Variants in ADNP observed in about 807,000 individuals in gnomAD.
The protein encoded by ADNP is activity dependent neuroprotector homeobox, also known as activity-dependent neuroprotector homeobox protein.
ADNP carries 4 observed loss-of-function variants against 84.9 expected under a neutral mutation model. That is an observed-to-expected ratio of 0.05 (90% CI 0.02 to 0.11). The LOEUF is 0.11. Ranked by LOEUF, ADNP falls within the 10% of genes least tolerant of loss-of-function variation. The pLI is 1.00. For synonymous variants in ADNP, 554 were observed against 468.1 expected (o/e 1.18, Z -2.37); for missense variants, 1,132 against 1,326.0 (o/e 0.85, Z 2.27).
In ADNP at chr20:50,892,495, C is replaced by T. The variant is rs181816925; in HGVS notation, c.2219G>A (p.Ser740Asn). 6.2e-7 allele frequency: 1 copy of T among 1,614,176 alleles called. No homozygotes were observed. Among genetic ancestry groups the T allele is most frequent in the Admixed American group, 1.7e-5 (1 of 60,020 alleles). The change falls in exon 6 of 6, where the codon AGC becomes AAC. Residue 740 changes from serine (S) to asparagine (N), a missense_variant. Around this residue, in one of 10 missense-constraint regions of ADNP, gnomAD observed 101 missense variants for 78.5 expected, o/e 1.29. Coordinates refer to ENST00000621696, the MANE Select transcript of ADNP (RefSeq NM_001282531.3). ...RKLDDDSDSP[S>N]FFEEKPEEPV... ...CTCTTCAGGCTTCTCTTCAAAGAAG[C>T]TGGGTGAATCACTATCATCATCTAA...
chr20:50,906,436 C>A (rs1374578078), intron 2 of ADNP, among the ~76,000 whole-genome samples: 1 of 152,206 alleles, frequency 6.6e-6, no homozygotes, highest in Non-Finnish European at 1.5e-5. Flanking sequence ...TCTTTGGGAA[C>A]TTCCTGAGTT....
Position 50,890,778 on chromosome 20 carries a change from A to T in ADNP, c.*627T>A. The T allele has an allele frequency of 3.1e-6, 1 of 327,126 alleles. No individual in the cohort carries two copies. The highest frequency in any genetic ancestry group is 4.4e-6 in the Non-Finnish European group (1 of 227,970). 20.3% of individuals were successfully genotyped at this position (327,126 alleles called of 1,614,324 possible). A position where few individuals can be genotyped will look rare whatever the true frequency, so the allele number is the denominator to read the frequency against. On this transcript the variant is annotated 3_prime_UTR_variant, in exon 6 of 6. Coordinates refer to ENST00000621696, the MANE Select transcript of ADNP (RefSeq NM_001282531.3). ...AAGATTGTACAAGGTTATGTGCAAA[A>T]ACTAAGTCTGTCCAAAAAGTCCATA...
chr20:50,894,121 G>A lies in ADNP; in HGVS notation c.593C>T (p.Ala198Val). ...HFQHVAAPYI[A>V]KAGEKSLNGA... ...ATTGAGTGATTTTTCTCCTGCCTTT[G>A]CTATGTAAGGTGCTGCCACATGCTG... Residue 198 changes from alanine (A) to valine (V), a missense_variant, in exon 6 of 6, where the codon GCA becomes GTA. Ala to Val is a moderately conservative substitution (Grantham distance 64). Transcript: ENST00000621696. The A allele has an allele frequency of 6.2e-7, 1 of 1,614,180 alleles. No homozygotes were observed. Among genetic ancestry groups the A allele is most frequent in the Non-Finnish European group, 8.5e-7 (1 of 1,180,018 alleles).
chr20:50,907,599 G>A (rs757542188), intron 2 of ADNP, among the ~76,000 whole-genome samples: 3 of 142,824 alleles, frequency 2.1e-5, no homozygotes, highest in Admixed American at 1.4e-4. Flanking sequence ...TCACGTTAAC[G>A]CCTGGCCAGG....
Position 50,925,263 on chromosome 20 carries a change from T to TACACACACACACACACACAC in ADNP, c.-90+3368_-90+3387dup, listed in dbSNP as rs57985341. ...CTCAATTTTTATCTGTGACTTCCTA[T>TACACACACACACACACACAC]ACACACACACACACACACACACACA... is the stretch of plus-strand genomic sequence containing the variant. On this transcript the variant is annotated intron_variant, in intron 2 of 5. Coordinates refer to ENST00000621696, the MANE Select transcript of ADNP (RefSeq NM_001282531.3). Among the ~76,000 whole-genome samples the TACACACACACACACACACAC allele has an allele frequency of 4.2e-3, 631 of 149,074 alleles. 5 individuals carry two copies. Among genetic ancestry groups the TACACACACACACACACACAC allele is most frequent in the Admixed American group, 0.014 (210 of 14,928 alleles).
At chr20:50,909,227 G>A (rs1199626490) in intron 2 of ADNP, among the ~76,000 whole-genome samples, 1 of 151,780 alleles carries the variant, frequency 6.6e-6, no homozygotes, top group Non-Finnish European at 1.5e-5. Context: ...AGCTGGGCAT[G>A]GTGGCACATG....
intron 2 of ADNP, among the ~76,000 whole-genome samples, chr20:50,908,395 G>A (rs536071283): frequency 1.3e-5 from 2 of 152,130 alleles, no homozygotes; most frequent in African/African-American, 4.8e-5. Context: ...ATAAGAAAAA[G>A]AAGAGAAGGA....
chr20:50,920,770 T>C (rs570230429), intron 2 of ADNP, among the ~76,000 whole-genome samples: 3 of 152,286 alleles, frequency 2.0e-5, no homozygotes, highest in South Asian at 2.1e-4. Flanking sequence ...GTGAAGCTTA[T>C]AGCCTAAGTC....
chr20:50,892,167 A>G lies in ADNP; in HGVS notation c.2547T>C (p.His849=). 1 of 1,614,150 alleles carries G rather than the reference A, an allele frequency of 6.2e-7. No homozygotes were observed. The highest frequency in any genetic ancestry group is 2.2e-5 in the East Asian group (1 of 44,880). The change falls in exon 6 of 6, where the codon CAT becomes CAC. Residue 849 remains histidine (H), a synonymous_variant. Transcript: ENST00000621696. ...DFDAEWLFEN[H]DEKDSRVNAS... is the part of the protein sequence containing the mutation. ...CATTGACTCTGGAATCCTTCTCATC[A>G]TGATTTTCAAATAGCCACTCAGCAT...
intron 2 of ADNP, among the ~76,000 whole-genome samples, chr20:50,918,584 A>C (rs542077933): frequency 6.6e-6 from 1 of 152,336 alleles, no homozygotes; most frequent in East Asian, 1.9e-4. Context: ...TACTTTTGGC[A>C]ATGAAGGCCC....
Position 50,891,153 on chromosome 20 carries a change from CGT to C in ADNP, c.*250_*251del. The C allele has an allele frequency of 7.9e-7, 1 of 1,267,052 alleles. No individual in the cohort carries two copies. The highest frequency in any genetic ancestry group is 9.9e-7 in the Non-Finnish European group (1 of 1,008,516). 78.5% of individuals were successfully genotyped at this position (1,267,052 alleles called of 1,614,324 possible). A position where few individuals can be genotyped will look rare whatever the true frequency, so the allele number is the denominator to read the frequency against. ...GATAAAATAAACCTCTGCTTTTCCT[CGT>C]GTGTATTCATGAGTCACCAGCTTAT... On this transcript the variant is annotated 3_prime_UTR_variant, in exon 6 of 6. Coordinates refer to ENST00000621696, the MANE Select transcript of ADNP (RefSeq NM_001282531.3).
At chr20:50,926,342 G>T (rs184391018) in intron 2 of ADNP, among the ~76,000 whole-genome samples, 1 of 152,132 alleles carries the variant, frequency 6.6e-6, no homozygotes, top group Non-Finnish European at 1.5e-5. Context: ...AACTCCTTTG[G>T]AACTCCAGGT....
At chr20:50,912,595 T>C (rs1254261013) in intron 2 of ADNP, among the ~76,000 whole-genome samples, 1 of 152,156 alleles carries the variant, frequency 6.6e-6, no homozygotes, top group Non-Finnish European at 1.5e-5. Flanking sequence ...TAGTTACTCA[T>C]CTAAACTAAG....
intron 2 of ADNP, among the ~76,000 whole-genome samples, chr20:50,915,920 A>T (rs1244852355): frequency 2.4e-5 from 3 of 125,984 alleles, no homozygotes; most frequent in Non-Finnish European, 5.1e-5. Context: ...TAATCATATT[A>T]TAACACTCTT....
chr20:50,928,400 T>C (rs1043356150), intron 2 of ADNP, among the ~76,000 whole-genome samples: 1 of 152,236 alleles, frequency 6.6e-6, no homozygotes, highest in South Asian at 2.1e-4. Flanking sequence ...TTATACTTTA[T>C]ACAAAGGGGT....
chr20:50,926,234 T>C (rs1984283143), intron 2 of ADNP, among the ~76,000 whole-genome samples: 1 of 152,232 alleles, frequency 6.6e-6, no homozygotes, highest in African/African-American at 2.4e-5. Flanking sequence ...TTTCTCTTAA[T>C]GTACATGCCT....
At chr20:50,923,987 G>A (rs1417364887) in intron 2 of ADNP, among the ~76,000 whole-genome samples, 3 of 152,118 alleles carry the variant, frequency 2.0e-5, no homozygotes, top group Non-Finnish European at 4.4e-5. Context: ...ATTTCCACTA[G>A]ACAGGAGTTT....
At chr20:50,896,508 G>T (rs1255361342) in intron 5 of ADNP, among the ~76,000 whole-genome samples, 1 of 151,850 alleles carries the variant, frequency 6.6e-6, no homozygotes, top group Non-Finnish European at 1.5e-5. Flanking sequence ...GCAGTGAGCT[G>T]AGATCGTGCC....
In ADNP at chr20:50,889,837, G is replaced by C; in HGVS notation, c.*1568C>G. 1 of 398,530 alleles carries C rather than the reference G, an allele frequency of 2.5e-6. No homozygotes were observed. The highest frequency in any genetic ancestry group is 1.3e-4 in the South Asian group (1 of 7,856). 24.7% of individuals were successfully genotyped at this position (398,530 alleles called of 1,614,324 possible). On this transcript the variant is annotated 3_prime_UTR_variant, in exon 6 of 6. Transcript: ENST00000621696. ...TCCTTCCATCTTTACAGCCCTGTCA[G>C]TGCTGTGCTCTTCAAAGCCTTTCCC...
Sources: allele counts gnomAD v4.1 joint callset (sites outside exome capture counted in the v4.1 genomes callset), GRCh38; gene constraint gnomAD v4.1.1; regional missense constraint gnomAD v4.1.1; transcripts MANE v1.5; gene names NCBI Gene and HGNC (gene_info 2026-07-23, HGNC 2026-07-21).